LIPN: variants seen among roughly 807,000 people sequenced by gnomAD.
LIPN encodes lipase family member N, also known as lipase member N.
A neutral mutation model predicts 43.7 loss-of-function variants in LIPN; 32 were observed. That is an observed-to-expected ratio of 0.73 (90% CI 0.55 to 0.98). The LOEUF is 0.98. Among genes scored for constraint, LIPN ranks in the 50% least tolerant of loss-of-function variants. The probability of loss-of-function intolerance (pLI) is 0.00; values close to 1 mark genes in which losing one functional copy is unlikely to be tolerated. For synonymous variants in LIPN, 156 were observed against 157.6 expected, an observed-to-expected ratio of 0.99 and a Z score of 0.08; for missense variants, 505 against 483.8, an observed-to-expected ratio of 1.04 and a Z score of -0.41.
chr10:88,764,283 T>C (rs1843050802), intron 3 of LIPN, 127 bp from the exon 4 acceptor site: 2 of 640,408 alleles, frequency 3.1e-6, no homozygotes, highest in Non-Finnish European at 5.3e-6. Context: ...GTTTTTGTTT[T>C]ACCATGTGTG....
rs749647186 is a variant in LIPN, at chr10:88,778,138, T to C, written c.1093T>C (p.Phe365Leu). ...ILPQIKSLHY[F>L]KLLPDWNHFD... ...CCCTCAAATCAAGAGTCTTCATTAC[T>C]TTAAGCTATTGCCAGATTGGAACCA... The change falls in exon 10 of 10, where the codon TTT becomes CTT. Residue 365 changes from phenylalanine (F) to leucine (L), a missense_variant. Coordinates refer to ENST00000404459, the MANE Select transcript of LIPN (RefSeq NM_001102469.2). 1.9e-6 allele frequency: 3 copies of C among 1,613,506 alleles called. No homozygotes were observed. Among genetic ancestry groups the C allele is most frequent in the African/African-American group, 2.7e-5 (2 of 74,910 alleles).
intron 6 of LIPN, among the ~76,000 whole-genome samples, chr10:88,770,041 G>A (rs1362498408): frequency 6.6e-6 from 1 of 151,802 alleles, no homozygotes; most frequent in Non-Finnish European, 1.5e-5. Context: ...TCAGCTATAA[G>A]GCAAATAATG....
intron 3 of LIPN, 90 bp from the exon 4 acceptor site, chr10:88,764,320 G>T: frequency 1.0e-6 from 1 of 982,926 alleles, no homozygotes; most frequent in South Asian, 1.7e-5. Context: ...TGATGTTTCC[G>T]ACATGCTCTA....
chr10:88,769,341 A>G (rs1843166546), intron 6 of LIPN, among the ~76,000 whole-genome samples: 1 of 151,914 alleles, frequency 6.6e-6, no homozygotes, highest in African/African-American at 2.4e-5. Flanking sequence ...GAAAAACCTG[A>G]TTAATATATT....
At chr10:88,773,786 C>T (rs303468) in intron 7 of LIPN, among the ~76,000 whole-genome samples, 144,684 of 152,052 alleles carry the variant, frequency 0.95, 68,928 homozygotes, top group East Asian at 1. Context: ...AGTTGGCTTG[C>T]TCAAAAGTAA....
Position 88,764,455 on chromosome 10 carries a change from A to G in LIPN, c.272A>G (p.Asn91Ser). 1 of 1,612,250 alleles carries G rather than the reference A, an allele frequency of 6.2e-7. No individual in the cohort carries two copies. The highest frequency in any genetic ancestry group is 1.7e-5 in the Admixed American group (1 of 59,780). ...ATGCAGCATGCCCTGTTTGCAGACAATGCCTACTGGCTTGAGAATTATGCT... is the reference window on the plus strand; with the variant it reads ...ATGCAGCATGCCCTGTTTGCAGACAGTGCCTACTGGCTTGAGAATTATGCT... ...VYMQHALFAD[N>S]AYWLENYANG... Residue 91 changes from asparagine (N) to serine (S), a missense_variant, in exon 4 of 10, where the codon AAT becomes AGT. By Grantham distance (46) the Asn-to-Ser change is conservative. Transcript: ENST00000404459.
intron 9 of LIPN, among the ~76,000 whole-genome samples, chr10:88,777,372 T>A (rs991230434): frequency 6.6e-6 from 1 of 152,100 alleles, no homozygotes; most frequent in Non-Finnish European, 1.5e-5. Context: ...ATAGCTTTAA[T>A]TTGGACCATT....
At chr10:88,775,709 T>C (rs1299003968) in intron 9 of LIPN, among the ~76,000 whole-genome samples, 1 of 152,096 alleles carries the variant, frequency 6.6e-6, no homozygotes, top group Admixed American at 6.6e-5. Flanking sequence ...TAAAAATCTG[T>C]AGCCTTGTTT....
In LIPN at chr10:88,768,855, G is replaced by A. The variant is rs201108850; in HGVS notation, c.599G>A (p.Gly200Asp). The change falls in exon 6 of 10, where the codon GGT (glycine) becomes GAT (aspartate). Residue 200 changes from glycine to aspartate, a missense_variant. Transcript: ENST00000404459. ...AGAATCAAAATGAATTTTGCCTTGGGTCCTACGATCTCATTCAAATATCCC... is the reference window on the plus strand; with the variant it reads ...AGAATCAAAATGAATTTTGCCTTGGATCCTACGATCTCATTCAAATATCCC... ...AQRIKMNFAL[G>D]PTISFKYPTG... 1,102 of 1,611,374 alleles carry A rather than the reference G, an allele frequency of 6.8e-4. No homozygotes were observed. The highest frequency in any genetic ancestry group is 9.1e-4 in the Non-Finnish European group (1,068 of 1,178,438).
rs546850753 is a variant in LIPN, at chr10:88,777,375, G to C, written c.964-634G>C. The stretch of plus-strand genomic sequence containing the variant: ...GGAGAAGTCAGCATAGCTTTAATTT[G>C]GACCATTTCTATGGCTTATCTAGAT... On this transcript the variant is annotated intron_variant, in intron 9 of 9. Coordinates refer to ENST00000404459, the MANE Select transcript of LIPN (RefSeq NM_001102469.2). 1.6e-4 allele frequency among the ~76,000 whole-genome samples: 24 copies of C among 151,972 alleles called. No individual in the cohort carries two copies. The South Asian group carries it at 4.8e-3, about 30-fold the overall frequency.
At chr10:88,761,127 C>A (rs1387871622) in intron 1 of LIPN, among the ~76,000 whole-genome samples, 1 of 151,998 alleles carries the variant, frequency 6.6e-6, no homozygotes, top group African/African-American at 2.4e-5. Flanking sequence ...AGCAATTCAA[C>A]CTTGATTAAA....
chr10:88,771,023 C>T, intron 7 of LIPN, 32 bp downstream of exon 7: 1 of 1,502,578 alleles, frequency 6.7e-7, no homozygotes, highest in Non-Finnish European at 9.0e-7. Flanking sequence ...CCATTTGATA[C>T]CTTAAGAAAT....
At chr10:88,758,309 C>T (rs1339365532), upstream of LIPN, among the ~76,000 whole-genome samples, 8 of 150,778 alleles carry the variant, frequency 5.3e-5, no homozygotes, top group Non-Finnish European at 1.2e-4. Context: ...TTCAAAAATA[C>T]CACAGGCCTT....
At chr10:88,772,857 A>T (rs1404888108) in intron 7 of LIPN, among the ~76,000 whole-genome samples, 1 of 8,510 alleles carries the variant, frequency 1.2e-4, no homozygotes, top group Admixed American at 1.6e-3. Flanking sequence ...AATAATCTTA[A>T]AAAAAAAGAA....
At chr10:88,767,886 C>T (rs1262933211) in intron 5 of LIPN, among the ~76,000 whole-genome samples, 1 of 151,752 alleles carries the variant, frequency 6.6e-6, no homozygotes, top group Non-Finnish European at 1.5e-5. Context: ...CTCACCTCCA[C>T]ACATTTCCAA....
chr10:88,761,725 A>G (rs1843000829), intron 2 of LIPN, among the ~76,000 whole-genome samples: 1 of 54,860 alleles, frequency 1.8e-5, no homozygotes, highest in Admixed American at 2.2e-4. Context: ...TGTGCTATCT[A>G]TCTATCTATC....
chr10:88,757,766 C>G (rs1199822865), upstream of LIPN, among the ~76,000 whole-genome samples: 2 of 152,086 alleles, frequency 1.3e-5, no homozygotes, highest in Admixed American at 6.6e-5. Flanking sequence ...AGTATTTTCT[C>G]TTAAGCAAAA....
Position 88,769,727 on chromosome 10 carries a change from G to GA in LIPN, c.672+806dup, listed in dbSNP as rs1289426469. ...TGGTTTGGGGTAGAGTGGTAGGAAT[G>GA]AAAAAAATTATTTGTGAGCTAACAC... On this transcript the variant is annotated intron_variant, in intron 6 of 9. Coordinates refer to ENST00000404459, the MANE Select transcript of LIPN (RefSeq NM_001102469.2). 5.0e-5 allele frequency: 12 copies of GA among 238,366 alleles called. No individual in the cohort carries two copies. The Admixed American group carries it at 6.5e-4, about 13-fold the overall frequency. The allele number at this position is 238,366 out of a possible 1,614,324, so 14.8% of individuals were successfully genotyped here.
intron 4 of LIPN, among the ~76,000 whole-genome samples, 167 bp downstream of exon 4, chr10:88,764,775 A>T (rs1336008164): frequency 6.6e-6 from 1 of 151,964 alleles, no homozygotes; most frequent in Non-Finnish European, 1.5e-5. Context: ...TTTTTCACTG[A>T]TTCTCCCACA....
Sources: gnomAD v4.1 joint callset for allele counts (sites outside exome capture counted in the v4.1 genomes callset) on GRCh38, gnomAD v4.1.1 for gene constraint, MANE v1.5 for transcripts, NCBI Gene and HGNC (gene_info 2026-07-23, HGNC 2026-07-21) for gene names.